MAP7D3: variants seen among roughly 807,000 people sequenced by gnomAD.
MAP7D3 encodes the protein MAP7 domain containing 3.
Under a neutral mutation model 62.2 loss-of-function variants are expected in MAP7D3, and 45 were observed. That is an observed-to-expected ratio of 0.72 (90% CI 0.57 to 0.93). The LOEUF (loss-of-function observed/expected upper bound fraction) is 0.93, where lower values mean the gene tolerates loss of function less well. MAP7D3 is among the 40% of genes least tolerant of loss of function. The pLI is 0.00. For missense variants in MAP7D3, 711 were observed against 683.1 expected (o/e 1.04, Z -0.45); for synonymous variants, 288 against 248.8 (o/e 1.16, Z -1.48).
chrX:136,213,747 C>T (rs1252224228), downstream of MAP7D3: 1 of 111,880 alleles, frequency 8.9e-6, no homozygotes, highest in Non-Finnish European at 1.9e-5. Flanking sequence ...CTGTCTCTTT[C>T]CAGCTGTGTG....
chrX:136,234,580 T>C (rs1390033165), intron 7 of MAP7D3, among the ~76,000 whole-genome samples: 1 of 112,417 alleles, frequency 8.9e-6, no homozygotes, highest in African/African-American at 3.2e-5. Context: ...AAAATAAATA[T>C]GCAACATCAA....
upstream of MAP7D3, chrX:136,251,534 C>A (rs1195780731): frequency 1.9e-5 from 16 of 840,953 alleles, no homozygotes; most frequent in Non-Finnish European, 2.3e-5. Context: ...CAGGATTGCC[C>A]CTTGCGTCCC....
Position 136,246,076 on chromosome X carries a change from C to G in MAP7D3, c.242G>C (p.Arg81Thr), listed in dbSNP as rs765544437. 2.5e-6 allele frequency: 3 copies of G among 1,191,773 alleles called. No individual in the cohort carries two copies. The African/African-American group carries it at 5.3e-5, about 21-fold the overall frequency. Residue 81 changes from arginine to threonine, a missense_variant, in exon 3 of 19, where the codon AGA (arginine) becomes ACA (threonine). Transcript: ENST00000316077. ...GGTCTAAAATATACCGTCTTGCTGTCTCCTTTTCTCCTCTCTGCGCTCTCT... is the reference window on the plus strand; with the variant it reads ...GGTCTAAAATATACCGTCTTGCTGTGTCCTTTTCTCCTCTCTGCGCTCTCT... The part of the protein sequence containing the change: ...LARERREEKR[R>T]QQDANKETQL...
At position 136,216,886 on chromosome X, in the gene MAP7D3, T is replaced by C. The variant is rs1242679965; in HGVS notation, c.*1640A>G. 1 of 112,388 alleles carries C rather than the reference T, an allele frequency of 8.9e-6. No individual in the cohort carries two copies. 9.3% of individuals were successfully genotyped at this position (112,388 alleles called of 1,213,427 possible). A position where few individuals can be genotyped will look rare whatever the true frequency, so the allele number is the denominator to read the frequency against. On this transcript the variant is annotated 3_prime_UTR_variant, in exon 19 of 19. Transcript: ENST00000316077. Reference sequence around the variant, plus strand: ...GTAACAGTGTTTCAACACAAGACATTTGTGCAGAAAAATAACAGGAACTCT... The same window carrying C: ...GTAACAGTGTTTCAACACAAGACATCTGTGCAGAAAAATAACAGGAACTCT...
chrX:136,214,660 C>T (rs1299024211), downstream of MAP7D3: 1 of 112,069 alleles, frequency 8.9e-6, no homozygotes, highest in Non-Finnish European at 1.9e-5. Context: ...AGGGGCCTGT[C>T]TGGCATTCTT....
intron 10 of MAP7D3, among the ~76,000 whole-genome samples, chrX:136,229,765 A>G (rs1342747835): frequency 9.4e-6 from 1 of 105,840 alleles, no homozygotes; most frequent in African/African-American, 3.5e-5. Flanking sequence ...TAAAGGCACT[A>G]TCACGGCTCA....
intron 1 of MAP7D3, among the ~76,000 whole-genome samples, chrX:136,251,079 G>A (rs2074502729): frequency 8.9e-6 from 1 of 112,575 alleles, no homozygotes; most frequent in Non-Finnish European, 1.9e-5. Context: ...GGCGGCTCGC[G>A]GCGTCGGCTG....
intron 13 of MAP7D3, 103 bp from the exon 14 acceptor site, chrX:136,224,983 C>T (rs1042188356): frequency 3.4e-5 from 18 of 530,303 alleles, no homozygotes; most frequent in Non-Finnish European, 5.2e-5. Flanking sequence ...TGCACAATGG[C>T]AGTGATTGCT....
intron 16 of MAP7D3, among the ~76,000 whole-genome samples, chrX:136,220,381 T>C (rs1439168047): frequency 8.9e-6 from 1 of 112,921 alleles, no homozygotes; most frequent in Non-Finnish European, 1.9e-5. Context: ...ATAGGTAATA[T>C]AAAATGCCTG....
At chrX:136,226,154 T>C (rs2074194917) in intron 12 of MAP7D3, 141 bp from the exon 13 acceptor site, 3 of 437,221 alleles carry the variant, frequency 6.9e-6, no homozygotes, top group Non-Finnish European at 7.7e-6. Context: ...TCCTATATCA[T>C]GATATTTGCG....
At chrX:136,231,187 T>A in intron 8 of MAP7D3, 1 of 338,366 alleles carries the variant, frequency 3.0e-6, no homozygotes, top group Admixed American at 5.3e-5. Flanking sequence ...AAATAACAGG[T>A]TTAAAAGAAA....
rs1416543263 is a variant in MAP7D3, at chrX:136,231,643, C to G, written c.1314G>C (p.Met438Ile). The G allele has an allele frequency of 2.5e-6, 3 of 1,207,240 alleles. No individual in the cohort carries two copies. The highest frequency in any genetic ancestry group is 3.4e-6 in the Non-Finnish European group (3 of 893,420). The stretch of plus-strand genomic sequence containing the variant: ...TCACCATCGCCTCAGGAGATGCCTC[C>G]ATGCTCTCCTTGGGTGACCCTTTCA... ...ESVKGSPKES[M>I]EASPEAMVKA... Residue 438 changes from methionine to isoleucine, a missense_variant, in exon 8 of 19, where the codon ATG (methionine) becomes ATC (isoleucine). Coordinates refer to ENST00000316077, the MANE Select transcript of MAP7D3 (RefSeq NM_024597.4).
intron 16 of MAP7D3, among the ~76,000 whole-genome samples, chrX:136,219,958 G>A (rs1469828877): frequency 9.0e-6 from 1 of 110,958 alleles, no homozygotes; most frequent in African/African-American, 3.3e-5. Context: ...TCAAGGATGC[G>A]GCCAGTGAGG....
rs748397263 is a variant in MAP7D3, at chrX:136,249,006, G to A, written c.70+2283C>T. On this transcript the variant is annotated intron_variant, in intron 1 of 18. Coordinates refer to ENST00000316077, the MANE Select transcript of MAP7D3 (RefSeq NM_024597.4). ...TTTGCCTCAAATAGCAAAAGCCAAA[G>A]TCATAGGGCTGAGACTTTCAGAAGA... Among the ~76,000 whole-genome samples, 4 of 112,395 alleles carry A rather than the reference G, an allele frequency of 3.6e-5. No homozygotes were observed. In the South Asian group the frequency reaches 1.5e-3, roughly 41 times the overall value.
At chrX:136,220,657 G>T in intron 16 of MAP7D3, 108 bp downstream of exon 16, 1 of 639,426 alleles carries the variant, frequency 1.6e-6, no homozygotes, top group Non-Finnish European at 2.5e-6. Context: ...ATGTGACATG[G>T]TGTTTGGTAC....
At chrX:136,245,324 C>T (rs2074435221) in intron 3 of MAP7D3, among the ~76,000 whole-genome samples, 2 of 111,767 alleles carry the variant, frequency 1.8e-5, no homozygotes, top group Admixed American at 1.9e-4. Flanking sequence ...CAAATTTTCC[C>T]TCACTAAATG....
At chrX:136,228,886 A>C in intron 10 of MAP7D3, 128 bp from the exon 11 acceptor site, 3 of 451,013 alleles carry the variant, frequency 6.7e-6, no homozygotes. Flanking sequence ...ATAAATCACA[A>C]GCAAACTATA....
intron 8 of MAP7D3, 60 bp from the exon 9 acceptor site, chrX:136,231,026 CTT>C (rs34471049): frequency 8.9e-3 from 5,688 of 642,114 alleles, no homozygotes; most frequent in South Asian, 0.01. Flanking sequence ...CTGCAGCTGG[CTT>C]TTTTTTTTTT....
chrX:136,250,488 G>C (rs1347854484), intron 1 of MAP7D3, among the ~76,000 whole-genome samples: 1 of 111,251 alleles, frequency 9.0e-6, no homozygotes, highest in Non-Finnish European at 1.9e-5. Context: ...GATGGGACTA[G>C]TTGAGGAAAA....
Sources: gnomAD v4.1 joint callset for allele counts (sites outside exome capture counted in the v4.1 genomes callset) on GRCh38, gnomAD v4.1.1 for gene constraint, MANE v1.5 for transcripts, NCBI Gene and HGNC (gene_info 2026-07-23, HGNC 2026-07-21) for gene names.